Variants in MACROD2 observed in about 807,000 individuals in gnomAD.
MACROD2 encodes mono-ADP ribosylhydrolase 2.
A neutral mutation model predicts 70.4 loss-of-function variants in MACROD2; 36 were observed. The ratio of observed to expected loss-of-function variants is 0.51; its 90% CI spans 0.39 to 0.68. The LOEUF (loss-of-function observed/expected upper bound fraction) is 0.68, where lower values mean the gene tolerates loss of function less well. MACROD2 is among the 30% of genes least tolerant of loss of function. The pLI is 0.00. For synonymous variants in MACROD2, 172 were observed against 178.8 expected, an observed-to-expected ratio of 0.96 and a Z score of 0.30; for missense variants, 496 against 538.4, an observed-to-expected ratio of 0.92 and a Z score of 0.78.
At chr20:15,174,265 A>T (rs990909094) in intron 5 of MACROD2, among the ~76,000 whole-genome samples, 8 of 152,220 alleles carry the variant, frequency 5.3e-5, no homozygotes, top group Non-Finnish European at 1.0e-4. Flanking sequence ...TATTTGTAAC[A>T]AAATGTTACT....
intron 3 of MACROD2, among the ~76,000 whole-genome samples, chr20:14,468,628 C>T (rs1473817277): frequency 6.6e-6 from 1 of 151,946 alleles, no homozygotes; most frequent in African/African-American, 2.4e-5. Context: ...TTCTCTGCCT[C>T]AGCCTCCTGA....
intron 5 of MACROD2, among the ~76,000 whole-genome samples, chr20:14,846,619 G>A (rs1224959257): frequency 2.7e-5 from 4 of 150,810 alleles, no homozygotes; most frequent in South Asian, 2.1e-4. Flanking sequence ...CCGGGTTCAC[G>A]CCACTCTCCT....
chr20:15,606,264 C>T (rs1025365987), intron 8 of MACROD2, among the ~76,000 whole-genome samples: 1 of 152,168 alleles, frequency 6.6e-6, no homozygotes, highest in African/African-American at 2.4e-5. Context: ...GCCCCACTCT[C>T]GACTCGACTT....
Position 15,777,947 on chromosome 20 carries a change from C to T in MACROD2, c.646-84798C>T, listed in dbSNP as rs111706600. On this transcript the variant is annotated intron_variant, in intron 8 of 17. Transcript: ENST00000684519. ...ATTATAGGCGTGAGCCACTGCACCC[C>T]ACCAGAGCCAGGTTTAGAATACAAC... Among the ~76,000 whole-genome samples the T allele has an allele frequency of 1.2e-3, 186 of 152,168 alleles. 2 individuals are homozygous for T. The highest frequency in any genetic ancestry group is 4.0e-3 in the African/African-American group (166 of 41,564).
chr20:15,479,466 G>C (rs944979541), intron 7 of MACROD2, among the ~76,000 whole-genome samples: 1 of 151,478 alleles, frequency 6.6e-6, no homozygotes, highest in Non-Finnish European at 1.5e-5. Context: ...TAGAGACGGG[G>C]TTTCACCGTT....
intron 3 of MACROD2, among the ~76,000 whole-genome samples, chr20:14,255,143 C>T (rs1264861855): frequency 1.3e-5 from 2 of 151,986 alleles, no homozygotes; most frequent in African/African-American, 2.4e-5. Flanking sequence ...GTGGGTAACC[C>T]GACCTTTCTC....
intron 4 of MACROD2, among the ~76,000 whole-genome samples, chr20:14,641,801 T>A (rs1985113445): frequency 6.6e-6 from 1 of 152,240 alleles, no homozygotes; most frequent in Admixed American, 6.5e-5. Context: ...CAGACTTTGT[T>A]GCTCCATTTA....
intron 5 of MACROD2, among the ~76,000 whole-genome samples, chr20:14,862,181 A>ATATATATAAG (rs2073342896): frequency 6.2e-5 from 1 of 16,176 alleles, no homozygotes; most frequent in African/African-American, 3.0e-4. Flanking sequence ...ATATATATAA[A>ATATATATAAG]TATATATTTA....
At chr20:14,980,207 C>G (rs1283394618) in intron 5 of MACROD2, among the ~76,000 whole-genome samples, 3 of 152,138 alleles carry the variant, frequency 2.0e-5, no homozygotes, top group African/African-American at 7.2e-5. Context: ...CATGAGAACT[C>G]TATCTCATGA....
intron 5 of MACROD2, among the ~76,000 whole-genome samples, chr20:15,180,682 G>T (rs752355874): frequency 4.6e-5 from 7 of 151,980 alleles, no homozygotes; most frequent in Non-Finnish European, 7.4e-5. Context: ...AAATATCTAC[G>T]CTCCGTGGTT....
chr20:14,577,001 T>C (rs1452787517), intron 4 of MACROD2, among the ~76,000 whole-genome samples: 1 of 152,228 alleles, frequency 6.6e-6, no homozygotes, highest in Non-Finnish European at 1.5e-5. Flanking sequence ...GTCAGAATAT[T>C]CCAGTTATTT....
intron 15 of MACROD2, among the ~76,000 whole-genome samples, chr20:16,038,001 A>G (rs974954888): frequency 1.3e-5 from 2 of 151,710 alleles, no homozygotes; most frequent in Admixed American, 6.6e-5. Flanking sequence ...TCTCTCAGTC[A>G]TATTCTCTGA....
At chr20:16,039,607 G>A (rs1231681628) in intron 15 of MACROD2, among the ~76,000 whole-genome samples, 1 of 151,788 alleles carries the variant, frequency 6.6e-6, no homozygotes, top group Non-Finnish European at 1.5e-5. Context: ...GTGTTCTAAG[G>A]CATAATTAGC....
At chr20:14,459,930 G>A (rs1436201479) in intron 3 of MACROD2, among the ~76,000 whole-genome samples, 2 of 151,984 alleles carry the variant, frequency 1.3e-5, no homozygotes, top group South Asian at 2.1e-4. Context: ...CTGTGTCTAT[G>A]TATTTTCATT....
chr20:15,158,931 T>A (rs1036607927), intron 5 of MACROD2, among the ~76,000 whole-genome samples: 6 of 152,158 alleles, frequency 3.9e-5, no homozygotes, highest in African/African-American at 1.4e-4. Flanking sequence ...ACCATGGTTC[T>A]GTTCTTTTCC....
chr20:15,523,018 A>G (rs2047673895), intron 8 of MACROD2, among the ~76,000 whole-genome samples: 1 of 152,170 alleles, frequency 6.6e-6, no homozygotes, highest in Non-Finnish European at 1.5e-5. Context: ...TACAAGTTAA[A>G]CTGGGGAAGA....
At chr20:14,818,539 G>T (rs1302467402) in intron 5 of MACROD2, among the ~76,000 whole-genome samples, 1 of 152,016 alleles carries the variant, frequency 6.6e-6, no homozygotes, top group Non-Finnish European at 1.5e-5. Flanking sequence ...ATGATTTCAA[G>T]ATTTTGACAC....
intron 2 of MACROD2, among the ~76,000 whole-genome samples, chr20:14,058,414 G>C (rs1351275506): frequency 2.0e-5 from 3 of 148,346 alleles, no homozygotes; most frequent in African/African-American, 7.5e-5. Context: ...TCTGTCCTCT[G>C]TATGGCAGGG....
chr20:15,755,901 C>T (rs2051340515), intron 8 of MACROD2, among the ~76,000 whole-genome samples: 1 of 152,164 alleles, frequency 6.6e-6, no homozygotes, highest in African/African-American at 2.4e-5. Flanking sequence ...TAACCTCTTC[C>T]TGTATTAGGT....
Sources: allele counts gnomAD v4.1 joint callset (sites outside exome capture counted in the v4.1 genomes callset), GRCh38; gene constraint gnomAD v4.1.1; transcripts MANE v1.5; gene names NCBI Gene and HGNC (gene_info 2026-07-23, HGNC 2026-07-21).